INPP5F: variants seen among roughly 807,000 people sequenced by gnomAD.
INPP5F encodes the protein phosphatidylinositide 4-phosphatase SAC2.
A neutral mutation model predicts 137.2 loss-of-function variants in INPP5F; 97 were observed. The observed-to-expected ratio is 0.71, with a 90% CI of 0.60 to 0.84. INPP5F has a LOEUF of 0.84. INPP5F is among the 40% of genes least tolerant of loss of function. The probability of loss-of-function intolerance (pLI) is 0.00; values close to 1 mark genes in which losing one functional copy is unlikely to be tolerated. For synonymous variants in INPP5F, 504 were observed against 476.9 expected, an observed-to-expected ratio of 1.06 and a Z score of -0.74; for missense variants, 1,271 against 1,371.9, an observed-to-expected ratio of 0.93 and a Z score of 1.16.
At chr10:119,825,138 T>C (rs967447265) in intron 19 of INPP5F, among the ~76,000 whole-genome samples, 1 of 152,246 alleles carries the variant, frequency 6.6e-6, no homozygotes, top group African/African-American at 2.4e-5. Context: ...ACACAGCTAT[T>C]AAACTCAATT....
chr10:119,795,053 G>A (rs1589723446), intron 6 of INPP5F, among the ~76,000 whole-genome samples: 2 of 133,540 alleles, frequency 1.5e-5, no homozygotes, highest in African/African-American at 2.8e-5. Context: ...CCTCCCGGAT[G>A]GGGCGGCTGG....
intron 2 of INPP5F, among the ~76,000 whole-genome samples, chr10:119,764,203 T>C (rs1367103786): frequency 6.6e-6 from 1 of 152,206 alleles, no homozygotes; most frequent in African/African-American, 2.4e-5. Flanking sequence ...CCTCTACCCA[T>C]TACCTGGTTC....
At chr10:119,773,506 C>A (rs1045612361) in intron 2 of INPP5F, among the ~76,000 whole-genome samples, 2 of 152,152 alleles carry the variant, frequency 1.3e-5, no homozygotes, top group African/African-American at 2.4e-5. Context: ...TGCTTCCTTC[C>A]CACTATCCCC....
intron 2 of INPP5F, among the ~76,000 whole-genome samples, chr10:119,761,441 C>T (rs1269835364): frequency 1.3e-5 from 2 of 152,188 alleles, no homozygotes; most frequent in African/African-American, 4.8e-5. Context: ...AGGTACCTGA[C>T]GTTGAACAAA....
chr10:119,800,392 G>GAA (rs35460473), intron 9 of INPP5F, among the ~76,000 whole-genome samples: 5,900 of 117,436 alleles, frequency 0.05, 236 homozygotes, highest in South Asian at 0.26. Context: ...TGTCTCTACT[G>GAA]AAAAAAAAAA....
At chr10:119,797,349 C>G (rs984037416) in intron 7 of INPP5F, 112 bp from the exon 8 acceptor site, 2 of 839,946 alleles carry the variant, frequency 2.4e-6, no homozygotes, top group Non-Finnish European at 3.7e-6. Flanking sequence ...CAGTTGCACA[C>G]TGAATCCCCA....
At chr10:119,814,904 C>T (rs967119284) in intron 15 of INPP5F, among the ~76,000 whole-genome samples, 2 of 151,960 alleles carry the variant, frequency 1.3e-5, no homozygotes, top group Admixed American at 6.6e-5. Context: ...CTCGCTCTGT[C>T]GCCCAGGCTG....
At chr10:119,797,708 A>G (rs1416822083) in intron 8 of INPP5F, 68 bp downstream of exon 8, 76 of 1,245,764 alleles carry the variant, frequency 6.1e-5, no homozygotes, top group Non-Finnish European at 8.1e-5. Context: ...GAAATTAGTT[A>G]CCTGTTAGGT....
chr10:119,759,449 G>T (rs1272078390), intron 2 of INPP5F, among the ~76,000 whole-genome samples: 2 of 152,064 alleles, frequency 1.3e-5, no homozygotes, highest in African/African-American at 4.8e-5. Flanking sequence ...GAGTGCAGTG[G>T]CACAATCTTG....
At chr10:119,752,645 C>T (rs899163040) in intron 2 of INPP5F, among the ~76,000 whole-genome samples, 4 of 150,962 alleles carry the variant, frequency 2.6e-5, no homozygotes, top group African/African-American at 9.7e-5. Flanking sequence ...ATCTCTGTGC[C>T]TTTTCCCAAA....
At chr10:119,812,045 T>TG (rs1309201322) in intron 15 of INPP5F, 90 bp downstream of exon 15, 1 of 983,630 alleles carries the variant, frequency 1.0e-6, no homozygotes, top group African/African-American at 1.6e-5. Flanking sequence ...CCTAAAGCTG[T>TG]GGGCATGGAT....
intron 13 of INPP5F, among the ~76,000 whole-genome samples, chr10:119,808,798 AG>A (rs1443658441): frequency 6.6e-6 from 1 of 152,224 alleles, no homozygotes; most frequent in Non-Finnish European, 1.5e-5. Context: ...TCATTCTTCA[AG>A]GTTCTAGTTC....
Position 119,827,543 on chromosome 10 carries a change from T to A in INPP5F, c.3162T>A (p.His1054Gln), listed in dbSNP as rs771887263. The change falls in exon 20 of 20, where the codon CAT (histidine) becomes CAA (glutamine). Residue 1054 changes from histidine (H) to glutamine (Q), a missense_variant. Coordinates refer to ENST00000650623, the MANE Select transcript of INPP5F (RefSeq NM_014937.4). ...TGCTTGAACTTGAGACAGGGCTTCA[T>A]GTAACTCCTTCTCCTTCAGAGAGCA... ...SSMLELETGL[H>Q]VTPSPSESSS... The A allele has an allele frequency of 2.0e-5, 32 of 1,614,042 alleles. No individual in the cohort carries two copies. The highest frequency in any genetic ancestry group is 2.2e-5 in the East Asian group (1 of 44,884).
Position 119,797,441 on chromosome 10 carries a change from C to T in INPP5F, c.869-20C>T. 1.3e-6 allele frequency: 2 copies of T among 1,572,636 alleles called. No homozygotes were observed. The highest frequency in any genetic ancestry group is 3.6e-5 in the Admixed American group (2 of 55,110). ...AAATTTTTTAAAATGTTGCTGTTTT[C>T]TGTTTTAATTTTCTTTCAGGAATGC... On this transcript the variant is annotated intron_variant, in intron 7 of 19. Transcript: ENST00000650623.
intron 9 of INPP5F, among the ~76,000 whole-genome samples, chr10:119,799,879 C>G (rs1425663150): frequency 6.6e-6 from 1 of 151,840 alleles, no homozygotes; most frequent in Non-Finnish European, 1.5e-5. Flanking sequence ...TATTGTCTTC[C>G]CATGTTTTCA....
At chr10:119,752,437 T>A (rs1400788440) in intron 2 of INPP5F, among the ~76,000 whole-genome samples, 2 of 152,008 alleles carry the variant, frequency 1.3e-5, no homozygotes, top group Non-Finnish European at 2.9e-5. Flanking sequence ...ATACCAAAAT[T>A]ATCTGGGCAT....
chr10:119,785,535 C>CGAGAGTGAGAGAGA (rs1849867217), intron 3 of INPP5F, among the ~76,000 whole-genome samples: 1 of 93,592 alleles, frequency 1.1e-5, no homozygotes, highest in Non-Finnish European at 2.2e-5. Context: ...GTGATCCGCT[C>CGAGAGTGAGAGAGA]GAGAGAGAGA....
intron 6 of INPP5F, among the ~76,000 whole-genome samples, chr10:119,795,087 A>C (rs1191322502): frequency 3.1e-3 from 124 of 40,510 alleles, no homozygotes; most frequent in Admixed American, 5.6e-3. Context: ...TGACCCCCCC[A>C]CCTCCCTCCC....
intron 6 of INPP5F, among the ~76,000 whole-genome samples, chr10:119,794,540 C>T (rs900111175): frequency 4.6e-5 from 7 of 152,018 alleles, no homozygotes; most frequent in African/African-American, 1.7e-4. Context: ...TTGGGTACAC[C>T]TCCCAGACGG....
Sources: allele counts gnomAD v4.1 joint callset (sites outside exome capture counted in the v4.1 genomes callset), GRCh38; gene constraint gnomAD v4.1.1; transcripts MANE v1.5; gene names NCBI Gene and HGNC (gene_info 2026-07-23, HGNC 2026-07-21).